B4GALT5: variants seen among roughly 807,000 people sequenced by gnomAD.
B4GALT5 encodes the protein UDP-Gal:beta-GlcNAc beta-1,4-galactosyltransferase 5.
A neutral mutation model predicts 45.0 loss-of-function variants in B4GALT5; 11 were observed. The observed-to-expected ratio is 0.24, with a 90% CI of 0.15 to 0.40. B4GALT5 has a LOEUF of 0.40. B4GALT5 is among the 10% of genes least tolerant of loss of function. B4GALT5 has a pLI of 1.00. For synonymous variants in B4GALT5, 185 were observed against 182.9 expected, an observed-to-expected ratio of 1.01 and a Z score of -0.09; for missense variants, 337 against 500.2, an observed-to-expected ratio of 0.67 and a Z score of 3.11.
intron 1 of B4GALT5, among the ~76,000 whole-genome samples, chr20:49,677,415 C>T (rs1295601925): frequency 6.6e-6 from 1 of 152,166 alleles, no homozygotes; most frequent in African/African-American, 2.4e-5. Flanking sequence ...ATTCTTTAAT[C>T]CACTGACAAC....
At chr20:49,685,204 A>G (rs1600549270) in intron 1 of B4GALT5, among the ~76,000 whole-genome samples, 1 of 152,318 alleles carries the variant, frequency 6.6e-6, no homozygotes, top group East Asian at 1.9e-4. Context: ...GATGTGTTAC[A>G]CAGTTTAAAG....
intron 2 of B4GALT5, among the ~76,000 whole-genome samples, chr20:49,649,935 C>T (rs1270677213): frequency 1.3e-5 from 2 of 152,156 alleles, no homozygotes; most frequent in Non-Finnish European, 2.9e-5. Context: ...AAAAGTATTA[C>T]ACTAAGTATA....
intron 1 of B4GALT5, among the ~76,000 whole-genome samples, chr20:49,705,482 A>G (rs1027709255): frequency 5.9e-5 from 9 of 152,176 alleles, no homozygotes; most frequent in African/African-American, 2.2e-4. Flanking sequence ...TTCCCAGGCT[A>G]ATGTCCGAAA....
intron 2 of B4GALT5, among the ~76,000 whole-genome samples, chr20:49,648,153 A>G (rs552506431): frequency 2.0e-5 from 3 of 152,210 alleles, no homozygotes; most frequent in South Asian, 4.1e-4. Context: ...TCCAGTGTCA[A>G]TATCTTTGGG....
intron 1 of B4GALT5, among the ~76,000 whole-genome samples, chr20:49,689,690 T>C (rs1369361718): frequency 1.3e-5 from 2 of 152,180 alleles, no homozygotes; most frequent in Non-Finnish European, 2.9e-5. Flanking sequence ...GTTAATTAAT[T>C]AGATTTTTTT....
Position 49,712,996 on chromosome 20 carries a change from G to A in B4GALT5, c.115+580C>T, listed in dbSNP as rs531805921. Among the ~76,000 whole-genome samples the A allele has an allele frequency of 8.6e-5, 13 of 151,628 alleles. No individual in the cohort carries two copies. In the South Asian group the frequency reaches 2.3e-3, roughly 27 times the overall value. On this transcript the variant is annotated intron_variant, in intron 1 of 8. Coordinates refer to ENST00000371711, the MANE Select transcript of B4GALT5 (RefSeq NM_004776.4). ...GTGAGTTAGGGAGGAGGACCTGGAG[G>A]TGGATGTAATAGGGGAAGTAGAGGA...
chr20:49,697,279 G>A (rs531428270), intron 1 of B4GALT5, among the ~76,000 whole-genome samples: 1 of 152,370 alleles, frequency 6.6e-6, no homozygotes, highest in East Asian at 1.9e-4. Flanking sequence ...AGCAGCCACA[G>A]CACCTGCTCC....
chr20:49,682,051 G>A (rs1423003973), intron 1 of B4GALT5, among the ~76,000 whole-genome samples: 1 of 152,158 alleles, frequency 6.6e-6, no homozygotes, highest in Non-Finnish European at 1.5e-5. Flanking sequence ...AGCTTCCATT[G>A]CATCACTGCA....
At chr20:49,642,783 T>C (rs1365844913) in intron 4 of B4GALT5, among the ~76,000 whole-genome samples, 199 bp from the exon 5 acceptor site, 1 of 152,200 alleles carries the variant, frequency 6.6e-6, no homozygotes, top group Non-Finnish European at 1.5e-5. Flanking sequence ...ACATATACCA[T>C]ATCTTATAGT....
intron 1 of B4GALT5, among the ~76,000 whole-genome samples, chr20:49,677,057 CTTCT>C (rs1334181602): frequency 6.6e-6 from 1 of 151,960 alleles, no homozygotes; most frequent in Non-Finnish European, 1.5e-5. Flanking sequence ...TTTTTGCTGA[CTTCT>C]TTGTTCTAGG....
intron 2 of B4GALT5, among the ~76,000 whole-genome samples, chr20:49,652,828 T>G (rs2085627749): frequency 6.6e-6 from 1 of 152,192 alleles, no homozygotes; most frequent in African/African-American, 2.4e-5. Context: ...TGCCTGAATG[T>G]GGGTATGTGC....
intron 1 of B4GALT5, among the ~76,000 whole-genome samples, chr20:49,702,875 A>G (rs572004231): frequency 7.3e-5 from 11 of 151,020 alleles, no homozygotes; most frequent in Admixed American, 1.3e-4. Flanking sequence ...AAAAAACCCT[A>G]AAAAATAGTG....
At chr20:49,641,091 G>A (rs1168773149) in intron 5 of B4GALT5, among the ~76,000 whole-genome samples, 1 of 151,704 alleles carries the variant, frequency 6.6e-6, no homozygotes, top group Admixed American at 6.6e-5. Context: ...CTCCAGTTTG[G>A]GCGACAGAGC....
rs571877733 is a variant in B4GALT5, at chr20:49,642,599, A to C, written c.490-15T>G. On this transcript the variant is annotated splice_polypyrimidine_tract_variant and intron_variant, in intron 4 of 8. Transcript: ENST00000371711. ...AGGATCGCCACCTGGAGTGGATTACAGCAAAAGAAGCACAGTTAGGACTCT... is the reference window on the plus strand; with the variant it reads ...AGGATCGCCACCTGGAGTGGATTACCGCAAAAGAAGCACAGTTAGGACTCT... The C allele has an allele frequency of 1.1e-4, 165 of 1,570,112 alleles. No individual in the cohort carries two copies. In the East Asian group the frequency reaches 2.9e-3, roughly 27 times the overall value.
chr20:49,640,771 T>G, intron 5 of B4GALT5, 106 bp from the exon 6 acceptor site: 2 of 1,180,616 alleles, frequency 1.7e-6, no homozygotes, highest in Non-Finnish European at 2.3e-6. Context: ...AAAAGATCAC[T>G]GGGCTAGTGT....
intron 1 of B4GALT5, among the ~76,000 whole-genome samples, chr20:49,692,766 T>C (rs961755417): frequency 1.5e-4 from 23 of 152,236 alleles, no homozygotes; most frequent in African/African-American, 5.3e-4. Context: ...TTAGTTAGTA[T>C]ATAAAACTGT....
At chr20:49,652,016 T>A (rs1219610917) in intron 2 of B4GALT5, among the ~76,000 whole-genome samples, 1 of 152,012 alleles carries the variant, frequency 6.6e-6, no homozygotes, top group African/African-American at 2.4e-5. Flanking sequence ...GAGGCGGAGG[T>A]TGCAGTGAGC....
At chr20:49,676,941 A>G (rs1158620423) in intron 1 of B4GALT5, among the ~76,000 whole-genome samples, 1 of 152,258 alleles carries the variant, frequency 6.6e-6, no homozygotes, top group African/African-American at 2.4e-5. Context: ...CTATGTAATC[A>G]TTCCAAAATT....
chr20:49,656,725 A>G, intron 1 of B4GALT5, 23 bp from the exon 2 acceptor site: 1 of 1,614,044 alleles, frequency 6.2e-7, no homozygotes. Flanking sequence ...AAAAGGGGAA[A>G]AAGAGGTGGA....
Sources: allele counts gnomAD v4.1 joint callset (sites outside exome capture counted in the v4.1 genomes callset), GRCh38; gene constraint gnomAD v4.1.1; transcripts MANE v1.5; gene names NCBI Gene and HGNC (gene_info 2026-07-23, HGNC 2026-07-21).